ST3GAL3: variants seen among roughly 807,000 people sequenced by gnomAD.
The protein encoded by ST3GAL3 is ST3 beta-galactoside alpha-2,3-sialyltransferase 3.
A neutral mutation model predicts 50.1 loss-of-function variants in ST3GAL3; 21 were observed. The observed-to-expected ratio is 0.42, with a 90% CI of 0.30 to 0.60. The LOEUF is 0.60. ST3GAL3 is among the 20% of genes least tolerant of loss of function. The pLI, the probability that ST3GAL3 is intolerant of heterozygous loss-of-function variation, is 0.19. For missense variants in ST3GAL3, 353 were observed against 489.4 expected, an observed-to-expected ratio of 0.72 and a Z score of 2.63; for synonymous variants, 183 against 190.0, an observed-to-expected ratio of 0.96 and a Z score of 0.30.
chr1:43,795,131 T>C (rs1046195524), intron 3 of ST3GAL3, among the ~76,000 whole-genome samples: 2 of 152,224 alleles, frequency 1.3e-5, no homozygotes, highest in Non-Finnish European at 2.9e-5. Context: ...AAAACCTCAA[T>C]GTACAGCTAA....
At chr1:43,873,334 A>G (rs2073400878) in intron 5 of ST3GAL3, among the ~76,000 whole-genome samples, 1 of 152,230 alleles carries the variant, frequency 6.6e-6, no homozygotes, top group Non-Finnish European at 1.5e-5. Context: ...TAGGCCAACT[A>G]AAAGTGTGTA....
At chr1:43,926,802 C>G (rs902771959) in intron 11 of ST3GAL3, among the ~76,000 whole-genome samples, 1 of 151,912 alleles carries the variant, frequency 6.6e-6, no homozygotes, top group African/African-American at 2.4e-5. Context: ...GGTGGCATTG[C>G]CGGATCCAAG....
intron 4 of ST3GAL3, among the ~76,000 whole-genome samples, chr1:43,827,583 G>C (rs1197577674): frequency 6.6e-6 from 1 of 152,088 alleles, no homozygotes; most frequent in Non-Finnish European, 1.5e-5. Context: ...GCTCACTGCT[G>C]TCTCGACCTC....
intron 3 of ST3GAL3, among the ~76,000 whole-genome samples, chr1:43,800,684 G>C (rs1425087563): frequency 6.6e-6 from 1 of 152,158 alleles, no homozygotes; most frequent in South Asian, 2.1e-4. Context: ...TTCCTCATCT[G>C]TAAAATATAG....
intron 9 of ST3GAL3, among the ~76,000 whole-genome samples, chr1:43,917,584 A>G (rs2082160755): frequency 1.6e-5 from 1 of 62,232 alleles, no homozygotes; most frequent in Non-Finnish European, 2.9e-5. Flanking sequence ...TATATTACGT[A>G]TTATATATAA....
At chr1:43,768,426 G>A (rs1693920656) in intron 2 of ST3GAL3, among the ~76,000 whole-genome samples, 1 of 152,152 alleles carries the variant, frequency 6.6e-6, no homozygotes, top group Non-Finnish European at 1.5e-5. Context: ...GGGCAACAGA[G>A]CAAGACCCCA....
At chr1:43,881,155 C>T (rs574346091) in intron 5 of ST3GAL3, among the ~76,000 whole-genome samples, 12 of 152,260 alleles carry the variant, frequency 7.9e-5, no homozygotes, top group African/African-American at 1.4e-4. Flanking sequence ...GGATTACAGA[C>T]GCCCATCACT....
At chr1:43,792,648 C>T (rs2058219967) in intron 3 of ST3GAL3, among the ~76,000 whole-genome samples, 1 of 152,202 alleles carries the variant, frequency 6.6e-6, no homozygotes, top group Non-Finnish European at 1.5e-5. Flanking sequence ...CCACACTGTA[C>T]TGTGTACTCA....
chr1:43,888,489 A>G (rs930021896), intron 5 of ST3GAL3, among the ~76,000 whole-genome samples: 5 of 152,136 alleles, frequency 3.3e-5, no homozygotes, highest in Non-Finnish European at 7.3e-5. Context: ...ACCCAAGTAA[A>G]TAAATAAACA....
chr1:43,765,818 C>A (rs530203020), intron 2 of ST3GAL3, among the ~76,000 whole-genome samples: 3 of 150,500 alleles, frequency 2.0e-5, no homozygotes, highest in Non-Finnish European at 2.9e-5. Flanking sequence ...CGTCCGCGTG[C>A]GCTTTTTTTT....
At chr1:43,866,569 G>C (rs2071371785) in intron 5 of ST3GAL3, among the ~76,000 whole-genome samples, 1 of 151,618 alleles carries the variant, frequency 6.6e-6, no homozygotes, top group Admixed American at 6.6e-5. Context: ...GGATGACAGA[G>C]TGAGACCCTG....
intron 2 of ST3GAL3, among the ~76,000 whole-genome samples, chr1:43,776,665 T>A (rs1697362292): frequency 6.6e-6 from 1 of 152,188 alleles, no homozygotes; most frequent in African/African-American, 2.4e-5. Context: ...TTTCCAAAGC[T>A]GCTACATCAT....
intron 2 of ST3GAL3, among the ~76,000 whole-genome samples, chr1:43,777,436 A>G (rs1176867815): frequency 6.6e-6 from 1 of 152,200 alleles, no homozygotes; most frequent in East Asian, 1.9e-4. Context: ...AGACACATAG[A>G]CCAATGGAAC....
chr1:43,846,655 T>C (rs2066306114), intron 5 of ST3GAL3, among the ~76,000 whole-genome samples: 2 of 152,164 alleles, frequency 1.3e-5, no homozygotes, highest in Admixed American at 6.5e-5. Context: ...CATGTCACCG[T>C]ACCCAGCTAA....
At chr1:43,794,427 G>A (rs2058456728) in intron 3 of ST3GAL3, among the ~76,000 whole-genome samples, 2 of 135,326 alleles carry the variant, frequency 1.5e-5, no homozygotes, top group Admixed American at 1.4e-4. Flanking sequence ...TGATAAGGAT[G>A]TGGTGCAGTG....
At chr1:43,809,142 G>A (rs184166721) in intron 3 of ST3GAL3, among the ~76,000 whole-genome samples, 42 of 151,476 alleles carry the variant, frequency 2.8e-4, no homozygotes, top group Middle Eastern at 6.8e-3. Flanking sequence ...TATAAAGAGG[G>A]AAAAAAAACA....
chr1:43,834,231 C>T (rs1350037025), intron 4 of ST3GAL3, among the ~76,000 whole-genome samples: 1 of 152,148 alleles, frequency 6.6e-6, no homozygotes, highest in Middle Eastern at 3.2e-3. Context: ...GTGAGTTTTT[C>T]TTTTATTCTA....
At chr1:43,790,317 G>A (rs2154151078) in intron 2 of ST3GAL3, among the ~76,000 whole-genome samples, 1 of 152,270 alleles carries the variant, frequency 6.6e-6, no homozygotes, top group East Asian at 1.9e-4. Context: ...TGTGTTGAAT[G>A]TCCATGTGCA....
intron 2 of ST3GAL3, among the ~76,000 whole-genome samples, chr1:43,760,163 CA>C (rs749851450): frequency 1.3e-5 from 2 of 152,142 alleles, no homozygotes; most frequent in African/African-American, 2.4e-5. Flanking sequence ...GACCTTTTCT[CA>C]AAGATGAATG....
Sources: allele counts gnomAD v4.1 joint callset (sites outside exome capture counted in the v4.1 genomes callset), GRCh38; gene constraint gnomAD v4.1.1; transcripts MANE v1.5; gene names NCBI Gene and HGNC (gene_info 2026-07-23, HGNC 2026-07-21).